YWHAE: variants seen among roughly 807,000 people sequenced by gnomAD.
The protein encoded by YWHAE is 14-3-3 protein epsilon.
A neutral mutation model predicts 30.1 loss-of-function variants in YWHAE; 4 were observed. The ratio of observed to expected loss-of-function variants is 0.13; its 90% CI spans 0.07 to 0.30. The LOEUF is 0.30. Among genes scored for constraint, YWHAE ranks in the 10% least tolerant of loss-of-function variants. The pLI is 1.00. For synonymous variants in YWHAE, 118 were observed against 111.8 expected (o/e 1.06, Z -0.35); for missense variants, 121 against 315.9 (o/e 0.38, Z 4.68).
At position 1,400,039 on chromosome 17, in the gene YWHAE, C is replaced by CA. The variant is rs2073544455; in HGVS notation, c.64+7dup. Reference sequence around the variant, plus strand: ...GAATTCCAGCCCCCCGTTGCCCCCCCAACTCACCGTCGTATCGCTCAGCCT... The same window carrying CA: ...GAATTCCAGCCCCCCGTTGCCCCCCCAAACTCACCGTCGTATCGCTCAGCCT... On this transcript the variant is annotated splice_region_variant and intron_variant, in intron 1 of 5. Transcript: ENST00000264335. 5.0e-6 allele frequency: 8 copies of CA among 1,613,706 alleles called. No homozygotes were observed. In the East Asian group the frequency reaches 1.8e-4, roughly 36 times the overall value.
At chr17:1,388,105 TTTTTTTTGGTTG>T (rs1567983167) in intron 1 of YWHAE, among the ~76,000 whole-genome samples, 5 of 46,426 alleles carry the variant, frequency 1.1e-4, no homozygotes, top group African/African-American at 3.8e-4. Flanking sequence ...ATTTTTGTTT[TTTTTTTTGGTTG>T]GTTTTTTTTT....
chr17:1,355,161 T>A (rs925255319), intron 4 of YWHAE, among the ~76,000 whole-genome samples: 32 of 38,674 alleles, frequency 8.3e-4, no homozygotes, highest in Non-Finnish European at 1.4e-3. Flanking sequence ...TTTTTTTTTT[T>A]TTTTTTTTTT....
At chr17:1,367,209 T>C (rs1210422497) in intron 1 of YWHAE, among the ~76,000 whole-genome samples, 6 of 152,126 alleles carry the variant, frequency 3.9e-5, no homozygotes, top group Non-Finnish European at 4.4e-5. Context: ...ACTCTATTCA[T>C]AATAGCCAAA....
At position 1,379,125 on chromosome 17, in the gene YWHAE, T is replaced by C. The variant is rs2150866527; in HGVS notation, c.65-14067A>G. Among the ~76,000 whole-genome samples, 3 of 152,310 alleles carry C rather than the reference T, an allele frequency of 2.0e-5. 1 individual carries two copies. The East Asian group carries it at 5.8e-4, about 29-fold the overall frequency. On this transcript the variant is annotated intron_variant, in intron 1 of 5. Transcript: ENST00000264335. ...AGCCTGCTTAAAGTTTGCGATGTCA[T>C]CACTTTAAGGTTGACTATACTCATG... is the stretch of plus-strand genomic sequence containing the variant.
intron 1 of YWHAE, among the ~76,000 whole-genome samples, chr17:1,388,990 G>A (rs954082848): frequency 6.6e-6 from 1 of 152,114 alleles, no homozygotes; most frequent in Non-Finnish European, 1.5e-5. Context: ...TTTTGAGACA[G>A]GGTCTCACTA....
At chr17:1,378,456 T>C (rs537534362) in intron 1 of YWHAE, among the ~76,000 whole-genome samples, 1 of 152,356 alleles carries the variant, frequency 6.6e-6, no homozygotes, top group East Asian at 1.9e-4. Context: ...AATATCTTGC[T>C]AGTCACATGA....
intron 1 of YWHAE, among the ~76,000 whole-genome samples, chr17:1,373,248 A>T (rs1459326170): frequency 6.6e-6 from 1 of 152,110 alleles, no homozygotes; most frequent in Non-Finnish European, 1.5e-5. Flanking sequence ...AGTCTCAAAA[A>T]ACAAGCAAAA....
intron 1 of YWHAE, among the ~76,000 whole-genome samples, chr17:1,370,251 C>A (rs756376117): frequency 2.0e-5 from 3 of 151,320 alleles, no homozygotes; most frequent in South Asian, 4.2e-4. Flanking sequence ...CTCAGCCTCC[C>A]GAGTAGCTGG....
At chr17:1,390,350 A>G (rs1205264507) in intron 1 of YWHAE, among the ~76,000 whole-genome samples, 1 of 152,210 alleles carries the variant, frequency 6.6e-6, no homozygotes. Flanking sequence ...GATTTTGAGA[A>G]TATTTCTTTG....
chr17:1,381,692 G>C (rs138574914), intron 1 of YWHAE, among the ~76,000 whole-genome samples: 30 of 152,010 alleles, frequency 2.0e-4, no homozygotes, highest in South Asian at 1.7e-3. Flanking sequence ...AACGCGGGTG[G>C]ATCGCTTCAA....
intron 4 of YWHAE, among the ~76,000 whole-genome samples, chr17:1,354,969 T>TTTTTTTG: frequency 6.3e-5 from 1 of 15,772 alleles, no homozygotes; most frequent in Non-Finnish European, 1.0e-4. Context: ...GCCTAGTTTT[T>TTTTTTTG]TTTTTTTTTT....
intron 5 of YWHAE, among the ~76,000 whole-genome samples, chr17:1,351,321 T>C (rs1300870092): frequency 2.6e-5 from 4 of 151,282 alleles, no homozygotes; most frequent in Non-Finnish European, 5.9e-5. Flanking sequence ...TAGGTTGCAG[T>C]CAGCTGAGAG....
intron 1 of YWHAE, among the ~76,000 whole-genome samples, chr17:1,390,872 A>C (rs2073379577): frequency 6.6e-6 from 1 of 152,174 alleles, no homozygotes; most frequent in African/African-American, 2.4e-5. Flanking sequence ...TAAAAATTTC[A>C]GAAGAGATAA....
chr17:1,350,488 G>A (rs1444528643), intron 5 of YWHAE, among the ~76,000 whole-genome samples: 3 of 151,994 alleles, frequency 2.0e-5, no homozygotes, highest in Non-Finnish European at 4.4e-5. Flanking sequence ...TGTTGCCCAG[G>A]CTGGAGTGCA....
At chr17:1,369,236 C>CGTGA (rs576859951) in intron 1 of YWHAE, among the ~76,000 whole-genome samples, 23 of 152,160 alleles carry the variant, frequency 1.5e-4, no homozygotes, top group Non-Finnish European at 1.9e-4. Flanking sequence ...GGAGCAGGGG[C>CGTGA]TCACCCCTGT....
intron 1 of YWHAE, chr17:1,399,844 G>C (rs777234134): frequency 1.6e-6 from 1 of 640,144 alleles, no homozygotes; most frequent in East Asian, 2.9e-5. Context: ...GTTGTTTGCA[G>C]TTAAGGACGG....
rs1246096572 is a variant in YWHAE at position 1,359,812 on chromosome 17, T to TTTGTGTGTGTG, written c.578+1279_578+1280insCACACACACAA. Among the ~76,000 whole-genome samples, 18 of 130,718 alleles carry TTTGTGTGTGTG rather than the reference T, an allele frequency of 1.4e-4. 1 individual carries two copies. In the East Asian group the frequency reaches 3.6e-3, roughly 26 times the overall value. The allele number at this position is 130,718 out of a possible 152,430, so 85.8% of individuals were successfully genotyped here. A position where few individuals can be genotyped will look rare whatever the true frequency, so the allele number is the denominator to read the frequency against. On this transcript the variant is annotated intron_variant, in intron 4 of 5. Transcript: ENST00000264335. ...CAATGTATTCGGTGCCACTAAATTGTTGTGTGTGTGTGTGTGTGTGTGTGT... is the reference window on the plus strand; with the variant it reads ...CAATGTATTCGGTGCCACTAAATTGTTTGTGTGTGTGTGTGTGTGTGTGTGTGTGTGTGTGT...
intron 1 of YWHAE, among the ~76,000 whole-genome samples, chr17:1,378,336 T>A (rs1190259220): frequency 2.0e-5 from 3 of 152,100 alleles, no homozygotes; most frequent in Non-Finnish European, 4.4e-5. Context: ...TTGGACAACC[T>A]CCAAGGAATG....
intron 1 of YWHAE, among the ~76,000 whole-genome samples, chr17:1,383,298 TGAGATC>T (rs1312320534): frequency 6.6e-6 from 1 of 151,498 alleles, no homozygotes; most frequent in African/African-American, 2.4e-5. Flanking sequence ...TTCCGCGAGC[TGAGATC>T]GCGCGATTGC....
Sources: gnomAD v4.1 joint callset for allele counts (sites outside exome capture counted in the v4.1 genomes callset) on GRCh38, gnomAD v4.1.1 for gene constraint, MANE v1.5 for transcripts, NCBI Gene and HGNC (gene_info 2026-07-23, HGNC 2026-07-21) for gene names.